RORA: variants seen among roughly 807,000 people sequenced by gnomAD.
RORA encodes nuclear receptor ROR-alpha.
RORA carries 7 observed loss-of-function variants against 69.5 expected under a neutral mutation model. That is an observed-to-expected ratio of 0.10 (90% confidence interval 0.06 to 0.19). The LOEUF (loss-of-function observed/expected upper bound fraction) is 0.19. RORA is among the 10% of genes least tolerant of loss of function. RORA has a pLI of 1.00. For synonymous variants in RORA, 261 were observed against 240.8 expected (o/e 1.08, Z -0.78); for missense variants, 457 against 663.0 (o/e 0.69, Z 3.41).
intron 1 of RORA, among the ~76,000 whole-genome samples, chr15:60,971,517 A>T (rs939355985): frequency 6.6e-6 from 1 of 152,146 alleles, no homozygotes; most frequent in South Asian, 2.1e-4. Context: ...CTGCTGCTGG[A>T]AATTCCCACT....
At chr15:60,554,413 A>G (rs1405149588) in intron 2 of RORA, among the ~76,000 whole-genome samples, 1 of 152,226 alleles carries the variant, frequency 6.6e-6, no homozygotes, top group African/African-American at 2.4e-5. Flanking sequence ...CTAAAAAAAA[A>G]TCAGCAAATG....
At chr15:60,943,062 G>A (rs142337702) in intron 1 of RORA, among the ~76,000 whole-genome samples, 3 of 152,210 alleles carry the variant, frequency 2.0e-5, no homozygotes, top group Non-Finnish European at 2.9e-5. Context: ...CAAGAAAGCT[G>A]GAGTCAGGGT....
chr15:60,673,819 G>A (rs776719991), intron 2 of RORA, among the ~76,000 whole-genome samples: 12 of 152,134 alleles, frequency 7.9e-5, no homozygotes, highest in South Asian at 2.1e-4. Flanking sequence ...GCCTATCAGC[G>A]CAGAGTAGGT....
At chr15:60,624,681 A>T (rs1392506623) in intron 2 of RORA, among the ~76,000 whole-genome samples, 8 of 151,810 alleles carry the variant, frequency 5.3e-5, no homozygotes, top group Admixed American at 2.6e-4. Flanking sequence ...ATGGCTACAA[A>T]CTATGTTGGT....
intron 1 of RORA, among the ~76,000 whole-genome samples, chr15:60,875,720 T>C (rs1041076577): frequency 2.0e-5 from 3 of 152,144 alleles, no homozygotes; most frequent in Admixed American, 6.5e-5. Flanking sequence ...AGGATACCAG[T>C]GGAAATCACC....
chr15:60,955,315 C>CA, intron 1 of RORA, among the ~76,000 whole-genome samples: 1 of 152,050 alleles, frequency 6.6e-6, no homozygotes, highest in East Asian at 1.9e-4. Flanking sequence ...AACAAACAAA[C>CA]AAAAAAATAA....
intron 1 of RORA, among the ~76,000 whole-genome samples, chr15:61,223,164 A>G (rs1708717889): frequency 6.6e-6 from 1 of 152,020 alleles, no homozygotes; most frequent in Non-Finnish European, 1.5e-5. Context: ...AACACAAAAA[A>G]TTAGCTGGGC....
chr15:60,729,505 A>G (rs1162277341), intron 1 of RORA, among the ~76,000 whole-genome samples: 2 of 152,216 alleles, frequency 1.3e-5, no homozygotes, highest in Admixed American at 6.5e-5. Flanking sequence ...CATTTTCTCC[A>G]TTGTTAGAAT....
chr15:60,940,958 G>T (rs1892677481), intron 1 of RORA, among the ~76,000 whole-genome samples: 1 of 152,154 alleles, frequency 6.6e-6, no homozygotes, highest in South Asian at 2.1e-4. Flanking sequence ...TAATATTTTA[G>T]TCAGTGGAAG....
At chr15:61,197,731 C>T (rs548111336) in intron 1 of RORA, among the ~76,000 whole-genome samples, 2 of 152,254 alleles carry the variant, frequency 1.3e-5, no homozygotes, top group Admixed American at 6.5e-5. Context: ...GAACTCATTA[C>T]GAAACAGGTT....
At chr15:61,212,674 G>T (rs1181953311) in intron 1 of RORA, among the ~76,000 whole-genome samples, 1 of 152,194 alleles carries the variant, frequency 6.6e-6, no homozygotes, top group Admixed American at 6.5e-5. Context: ...TTACAGGCGT[G>T]AGCCACCATG....
intron 1 of RORA, among the ~76,000 whole-genome samples, chr15:61,145,069 C>T (rs2079334865): frequency 6.6e-6 from 1 of 152,110 alleles, no homozygotes; most frequent in Non-Finnish European, 1.5e-5. Flanking sequence ...TGTTTCCATA[C>T]TACTATATCT....
chr15:60,866,475 T>C (rs118176218), intron 1 of RORA, among the ~76,000 whole-genome samples: 2,369 of 152,280 alleles, frequency 0.016, 29 homozygotes, highest in South Asian at 0.035. Flanking sequence ...CTTTTATTGT[T>C]CATAACATAC....
chr15:60,980,083 A>C (rs992170174), intron 1 of RORA, among the ~76,000 whole-genome samples: 8 of 152,166 alleles, frequency 5.3e-5, no homozygotes, highest in African/African-American at 1.9e-4. Context: ...AGTTTTTATC[A>C]CGAAAGGATG....
chr15:61,053,010 C>T (rs1459687554), intron 1 of RORA, among the ~76,000 whole-genome samples: 5 of 152,174 alleles, frequency 3.3e-5, no homozygotes, highest in African/African-American at 1.2e-4. Flanking sequence ...AAAGAAAACT[C>T]CATATTCATG....
intron 1 of RORA, among the ~76,000 whole-genome samples, chr15:60,861,418 G>A (rs2073434736): frequency 6.6e-6 from 1 of 152,180 alleles, no homozygotes; most frequent in African/African-American, 2.4e-5. Context: ...TAACCCTGGA[G>A]GTAGCTGGTG....
At chr15:60,959,255 A>G (rs1208504955) in intron 1 of RORA, among the ~76,000 whole-genome samples, 1 of 152,194 alleles carries the variant, frequency 6.6e-6, no homozygotes, top group Non-Finnish European at 1.5e-5. Flanking sequence ...ACAAGTAGGA[A>G]ACTGACCCAA....
At chr15:60,752,767 C>T (rs950470686) in intron 1 of RORA, among the ~76,000 whole-genome samples, 2 of 152,060 alleles carry the variant, frequency 1.3e-5, no homozygotes, top group Non-Finnish European at 2.9e-5. Context: ...TAGCGCTGGT[C>T]CCAGGCCTGG....
At chr15:60,518,072 C>T (rs769160948) in intron 3 of RORA, among the ~76,000 whole-genome samples, 1 of 152,116 alleles carries the variant, frequency 6.6e-6, no homozygotes, top group Admixed American at 6.5e-5. Flanking sequence ...CTATGTTGCC[C>T]AGGCTGGTCT....
Sources: allele counts gnomAD v4.1 joint callset (sites outside exome capture counted in the v4.1 genomes callset), GRCh38; gene constraint gnomAD v4.1.1; transcripts MANE v1.5; gene names NCBI Gene and HGNC (gene_info 2026-07-23, HGNC 2026-07-21).